BCKDHB: variants seen among roughly 807,000 people sequenced by gnomAD.
The protein encoded by BCKDHB is 2-oxoisovalerate dehydrogenase subunit beta, mitochondrial.
In BCKDHB, 41 loss-of-function variants were observed where a neutral mutation model predicts 48.5. The ratio of observed to expected loss-of-function variants is 0.85; its 90% CI spans 0.66 to 1.10. The LOEUF (loss-of-function observed/expected upper bound fraction) is 1.10, where lower values mean the gene tolerates loss of function less well. Among genes scored for constraint, BCKDHB ranks in the 50% least tolerant of loss-of-function variants. The pLI is 0.00. For synonymous variants in BCKDHB, 201 were observed against 174.8 expected, an observed-to-expected ratio of 1.15 and a Z score of -1.18; for missense variants, 496 against 494.2, an observed-to-expected ratio of 1.00 and a Z score of -0.03.
intron 6 of BCKDHB, among the ~76,000 whole-genome samples, chr6:80,190,565 A>G (rs1324404641): frequency 6.6e-6 from 1 of 152,140 alleles, no homozygotes; most frequent in Non-Finnish European, 1.5e-5. Flanking sequence ...ATAAAAGGTG[A>G]TACTTTAAAG....
chr6:80,428,754 G>T, the BCKDHB span, among the ~76,000 whole-genome samples: 2 of 151,956 alleles, frequency 1.3e-5, no homozygotes, highest in African/African-American at 4.8e-5. Context: ...TAAGTTCTTT[G>T]TAGATTCTGG....
chr6:80,106,934 C>T, intron 1 of BCKDHB, 45 bp downstream of exon 1: 4 of 1,567,922 alleles, frequency 2.6e-6, no homozygotes, highest in Non-Finnish European at 3.5e-6. Flanking sequence ...AGCCCGGACT[C>T]CCAGGCTCGC....
chr6:80,341,115 A>G (rs1440334477), intron 9 of BCKDHB, among the ~76,000 whole-genome samples: 3 of 152,182 alleles, frequency 2.0e-5, no homozygotes, highest in Admixed American at 6.5e-5. Flanking sequence ...CTGATATCCT[A>G]TTCGTAGTCT....
rs558375944 is a variant in BCKDHB at position 80,283,867 on chromosome 6, A to G, written c.1038+10646A>G. Among the ~76,000 whole-genome samples, 4 of 152,280 alleles carry G rather than the reference A, an allele frequency of 2.6e-5. 1 individual carries two copies. In the East Asian group the frequency reaches 7.7e-4, roughly 29 times the overall value. ...ATTTAAAATTTTATACATGAAAGAC[A>G]GCAGATAATGTATCCATAACCTGGC... is the stretch of plus-strand genomic sequence containing the variant. On this transcript the variant is annotated intron_variant, in intron 9 of 9. Transcript: ENST00000320393.
At chr6:80,330,892 T>C (rs1284469522) in intron 9 of BCKDHB, among the ~76,000 whole-genome samples, 1 of 152,230 alleles carries the variant, frequency 6.6e-6, no homozygotes, top group East Asian at 1.9e-4. Flanking sequence ...CTTAGATTAC[T>C]ATGTCACAAA....
chr6:80,352,626 A>G, the BCKDHB span, among the ~76,000 whole-genome samples: 1 of 152,252 alleles, frequency 6.6e-6, no homozygotes, highest in African/African-American at 2.4e-5. Context: ...TATTTGAAAG[A>G]GGAAAATCTA....
intron 6 of BCKDHB, among the ~76,000 whole-genome samples, chr6:80,199,261 G>A (rs1475945261): frequency 6.6e-6 from 1 of 152,108 alleles, no homozygotes; most frequent in Non-Finnish European, 1.5e-5. Flanking sequence ...GAAAGAGTGA[G>A]AGCCGTCCAC....
At chr6:80,155,435 G>A (rs1028788191) in intron 3 of BCKDHB, among the ~76,000 whole-genome samples, 2 of 152,140 alleles carry the variant, frequency 1.3e-5, no homozygotes, top group African/African-American at 4.8e-5. Context: ...GGAAGCAATT[G>A]TTGATTCGGG....
At chr6:80,424,459 T>C in the BCKDHB span, among the ~76,000 whole-genome samples, 6 of 152,206 alleles carry the variant, frequency 3.9e-5, no homozygotes, top group Admixed American at 6.5e-5. Flanking sequence ...ATAACCCAGA[T>C]TAATGCAACT....
chr6:80,444,725 G>A, the BCKDHB span, among the ~76,000 whole-genome samples: 1 of 152,124 alleles, frequency 6.6e-6, no homozygotes, highest in Non-Finnish European at 1.5e-5. Context: ...TTTTTAAAAT[G>A]TCTTGCATAT....
intron 1 of BCKDHB, among the ~76,000 whole-genome samples, chr6:80,120,484 T>C (rs1367128920): frequency 6.6e-6 from 1 of 152,214 alleles, no homozygotes. Context: ...ACCAAGAGTG[T>C]AAAAGTGTTC....
chr6:80,444,733 T>C, the BCKDHB span, among the ~76,000 whole-genome samples: 210 of 152,292 alleles, frequency 1.4e-3, no homozygotes, highest in African/African-American at 4.4e-3. Flanking sequence ...ATGTCTTGCA[T>C]ATAGATATGG....
At chr6:80,319,107 C>G (rs1768586547) in intron 9 of BCKDHB, among the ~76,000 whole-genome samples, 1 of 152,158 alleles carries the variant, frequency 6.6e-6, no homozygotes, top group Non-Finnish European at 1.5e-5. Context: ...TGTCATGACA[C>G]TACTAACCAG....
chr6:80,120,156 C>T (rs1004423218), intron 1 of BCKDHB, among the ~76,000 whole-genome samples: 1 of 152,108 alleles, frequency 6.6e-6, no homozygotes, highest in East Asian at 1.9e-4. Flanking sequence ...ATGATGGTTT[C>T]CAGCTTCATC....
intron 1 of BCKDHB, among the ~76,000 whole-genome samples, chr6:80,109,498 AC>A (rs1007826222): frequency 8.5e-5 from 13 of 152,304 alleles, no homozygotes; most frequent in African/African-American, 2.9e-4. Context: ...TCAAATTTAT[AC>A]CCATTTATAC....
intron 1 of BCKDHB, among the ~76,000 whole-genome samples, chr6:80,117,017 AC>A (rs1020705491): frequency 2.9e-4 from 44 of 152,330 alleles, no homozygotes; most frequent in African/African-American, 1.0e-3. Flanking sequence ...AAAAAAAATT[AC>A]CTGTGAATAA....
chr6:80,194,154 T>C (rs76243876), intron 6 of BCKDHB, among the ~76,000 whole-genome samples: 2,176 of 152,296 alleles, frequency 0.014, 50 homozygotes, highest in African/African-American at 0.049. Flanking sequence ...TTCTGTTATA[T>C]CACAACTTAT....
At chr6:80,373,784 G>C in the BCKDHB span, among the ~76,000 whole-genome samples, 3 of 152,162 alleles carry the variant, frequency 2.0e-5, no homozygotes, top group South Asian at 6.2e-4. Flanking sequence ...TTTAACTGCT[G>C]TTGCTTTTAA....
chr6:80,292,890 G>A (rs1276368357), intron 9 of BCKDHB, among the ~76,000 whole-genome samples: 2 of 152,174 alleles, frequency 1.3e-5, no homozygotes, highest in African/African-American at 4.8e-5. Context: ...AATCTAGCGA[G>A]GCAGTCAAAT....
Sources: allele counts gnomAD v4.1 joint callset (sites outside exome capture counted in the v4.1 genomes callset), GRCh38; gene constraint gnomAD v4.1.1; transcripts MANE v1.5; gene names NCBI Gene and HGNC (gene_info 2026-07-23, HGNC 2026-07-21).